ADGRG6: variants seen among roughly 807,000 people sequenced by gnomAD.
The protein encoded by ADGRG6 is adhesion G protein-coupled receptor G6.
A neutral mutation model predicts 142.4 loss-of-function variants in ADGRG6; 84 were observed. That is an observed-to-expected ratio of 0.59 (90% CI 0.49 to 0.71). The LOEUF (loss-of-function observed/expected upper bound fraction) is 0.71, where lower values mean the gene tolerates loss of function less well. ADGRG6 is among the 30% of genes least tolerant of loss of function. The pLI, the probability that ADGRG6 is intolerant of heterozygous loss-of-function variation, is 0.00. For missense variants in ADGRG6, 1,367 were observed against 1,466.6 expected, an observed-to-expected ratio of 0.93 and a Z score of 1.11; for synonymous variants, 521 against 520.5, an observed-to-expected ratio of 1.00 and a Z score of -0.01.
rs144009747 is a variant in ADGRG6, at chr6:142,363,934, G to A, written c.104-3635G>A. Among the ~76,000 whole-genome samples the A allele has an allele frequency of 6.5e-3, 977 of 151,432 alleles. 7 individuals carry two copies. The highest frequency in any genetic ancestry group is 0.035 in the Middle Eastern group (10 of 288). On this transcript the variant is annotated intron_variant, in intron 2 of 24. Transcript: ENST00000367609. ...TGAAACTCTTTTTAAGAAATTGTCC[G>A]TTTAAAAAACGTCTCTTAAAGAAGC... is the stretch of plus-strand genomic sequence containing the variant.
chr6:142,372,688 G>A (rs1021494713), intron 4 of ADGRG6, among the ~76,000 whole-genome samples: 1 of 152,170 alleles, frequency 6.6e-6, no homozygotes, highest in Non-Finnish European at 1.5e-5. Context: ...AGCTAGAAAG[G>A]ACCTTCAGGG....
intron 11 of ADGRG6, among the ~76,000 whole-genome samples, chr6:142,401,054 A>C (rs1207221087): frequency 6.6e-6 from 1 of 152,170 alleles, no homozygotes; most frequent in Non-Finnish European, 1.5e-5. Flanking sequence ...CTAAATGTTT[A>C]ACAGAAACCT....
chr6:142,381,138 C>T (rs147979071), intron 4 of ADGRG6, among the ~76,000 whole-genome samples: 4 of 152,226 alleles, frequency 2.6e-5, no homozygotes, highest in East Asian at 3.9e-4. Context: ...AGCTCATGTG[C>T]GAGCTGTGCC....
At position 142,343,138 on chromosome 6, in the gene ADGRG6, A is replaced by G. The variant is rs552125230; in HGVS notation, c.104-24431A>G. On this transcript the variant is annotated intron_variant, in intron 2 of 24. Transcript: ENST00000367609. ...GCAAAATCAGATATGTGCTTTTGACAAATATATAAAATACATTTCCTGCTT... is the reference window on the plus strand; with the variant it reads ...GCAAAATCAGATATGTGCTTTTGACGAATATATAAAATACATTTCCTGCTT... Among the ~76,000 whole-genome samples, 3 of 151,982 alleles carry G rather than the reference A, an allele frequency of 2.0e-5. No homozygotes were observed. In the South Asian group the frequency reaches 6.2e-4, roughly 31 times the overall value.
At chr6:142,406,991 A>C (rs979781490) in intron 15 of ADGRG6, among the ~76,000 whole-genome samples, 13 of 152,028 alleles carry the variant, frequency 8.6e-5, no homozygotes, top group African/African-American at 3.1e-4. Context: ...AGTCTTCTCC[A>C]TATCATTGTT....
intron 2 of ADGRG6, among the ~76,000 whole-genome samples, chr6:142,317,984 T>C (rs1414335774): frequency 1.7e-5 from 1 of 58,954 alleles, no homozygotes; most frequent in Non-Finnish European, 2.8e-5. Flanking sequence ...ATATTTATAT[T>C]ACATATTTAT....
At chr6:142,406,866 A>G (rs1775830370) in intron 15 of ADGRG6, among the ~76,000 whole-genome samples, 1 of 152,204 alleles carries the variant, frequency 6.6e-6, no homozygotes. Context: ...AAAATGCAGC[A>G]AAACATGTAT....
At chr6:142,405,570 T>A in intron 14 of ADGRG6, 118 bp from the exon 15 acceptor site, 1 of 774,228 alleles carries the variant, frequency 1.3e-6, no homozygotes, top group South Asian at 1.5e-5. Flanking sequence ...CAAAGGGAAG[T>A]CCTGGTACTG....
chr6:142,382,715 C>T (rs944107104), intron 5 of ADGRG6, among the ~76,000 whole-genome samples: 2 of 152,110 alleles, frequency 1.3e-5, no homozygotes, highest in African/African-American at 4.8e-5. Context: ...CTATTAAATA[C>T]TTCTATAGTG....
In ADGRG6 at chr6:142,366,209, C is replaced by T. The variant is rs78560991; in HGVS notation, c.104-1360C>T. ...AGTGAAAATGGGATAATAGCATTTC[C>T]CCTGTCTACCTCAGAAGGGTTTTTC... On this transcript the variant is annotated intron_variant, in intron 2 of 24. Coordinates refer to ENST00000367609, the MANE Select transcript of ADGRG6 (RefSeq NM_198569.3). Among the ~76,000 whole-genome samples, 133 of 152,200 alleles carry T rather than the reference C, an allele frequency of 8.7e-4. 1 individual carries two copies. The East Asian group carries it at 0.025, about 29-fold the overall frequency.
intron 24 of ADGRG6, among the ~76,000 whole-genome samples, chr6:142,439,329 A>G (rs1168084265): frequency 6.6e-6 from 1 of 152,246 alleles, no homozygotes; most frequent in Non-Finnish European, 1.5e-5. Flanking sequence ...AGGATAATGG[A>G]AATAACTTTT....
At chr6:142,440,901 G>T in intron 24 of ADGRG6, 1 of 1,384,732 alleles carries the variant, frequency 7.2e-7, no homozygotes, top group East Asian at 2.5e-5. Flanking sequence ...ATATGTTTAT[G>T]GTATAGATAA....
At chr6:142,311,450 G>T (rs1377553391) in intron 2 of ADGRG6, among the ~76,000 whole-genome samples, 1 of 151,744 alleles carries the variant, frequency 6.6e-6, no homozygotes, top group Admixed American at 6.6e-5. Flanking sequence ...GGGTCTTATA[G>T]GTATTTTAAT....
Position 142,393,657 on chromosome 6 carries a change from A to AT in ADGRG6, c.1362-232dup, listed in dbSNP as rs147235111. Among the ~76,000 whole-genome samples, 897 of 152,270 alleles carry AT rather than the reference A, an allele frequency of 5.9e-3. 8 individuals carry two copies. Among genetic ancestry groups the AT allele is most frequent in the African/African-American group, 0.02 (840 of 41,558 alleles). The stretch of plus-strand genomic sequence containing the variant: ...TACGTTATTGTACAAACTGAAGCAG[A>AT]TTTTTTTATCAGAACGTCTCAGTTT... On this transcript the variant is annotated intron_variant, in intron 8 of 24. Transcript: ENST00000367609.
intron 2 of ADGRG6, among the ~76,000 whole-genome samples, chr6:142,345,806 C>CA (rs1365244223): frequency 6.6e-6 from 1 of 152,078 alleles, no homozygotes; most frequent in Admixed American, 6.6e-5. Flanking sequence ...TTTCAGTAGT[C>CA]AAACTTTTAA....
At chr6:142,366,004 T>G (rs145321963) in intron 2 of ADGRG6, among the ~76,000 whole-genome samples, 1,887 of 152,334 alleles carry the variant, frequency 0.012, 42 homozygotes, top group African/African-American at 0.042. Context: ...TGTGTCCATT[T>G]AATGGCAATT....
intron 1 of ADGRG6, among the ~76,000 whole-genome samples, chr6:142,309,022 T>G (rs1004152430): frequency 3.3e-5 from 5 of 151,880 alleles, no homozygotes; most frequent in African/African-American, 4.8e-5. Context: ...TTTTGGAATG[T>G]TAATGCTTCA....
chr6:142,317,788 ATAATATATATATTATATATAT>A (rs1284342548), intron 2 of ADGRG6, among the ~76,000 whole-genome samples: 2 of 93,510 alleles, frequency 2.1e-5, no homozygotes, highest in African/African-American at 4.6e-5. Context: ...ATATTTATAT[ATAATATATATATTATATATAT>A]TTATATATAT....
intron 6 of ADGRG6, among the ~76,000 whole-genome samples, chr6:142,386,676 CT>C (rs1380587448): frequency 6.6e-6 from 1 of 152,174 alleles, no homozygotes; most frequent in Non-Finnish European, 1.5e-5. Flanking sequence ...TTATCTTATA[CT>C]TTATGAATTT....
Sources: gnomAD v4.1 joint callset for allele counts (sites outside exome capture counted in the v4.1 genomes callset) on GRCh38, gnomAD v4.1.1 for gene constraint, MANE v1.5 for transcripts, NCBI Gene and HGNC (gene_info 2026-07-23, HGNC 2026-07-21) for gene names.